Variants in FNTA observed in about 807,000 individuals in gnomAD.
FNTA encodes farnesyltransferase, CAAX box, subunit alpha, also known as protein farnesyltransferase/geranylgeranyltransferase type-1 subunit alpha.
In FNTA, 27 loss-of-function variants were observed where a neutral mutation model predicts 55.2. The ratio of observed to expected loss-of-function variants is 0.49; its 90% CI spans 0.36 to 0.67. The LOEUF is 0.67. Ranked by LOEUF, FNTA falls within the 30% of genes least tolerant of loss-of-function variation. FNTA has a pLI of 0.00. For missense variants in FNTA, 422 were observed against 464.7 expected (o/e 0.91, Z 0.85); for synonymous variants, 176 against 170.7 (o/e 1.03, Z -0.24).
chr8:43,077,308 C>T lies in FNTA; in HGVS notation c.726C>T (p.Phe242=), dbSNP rs777693422. ...RNNSVWNQRY[F]VISNTTGYND... is the part of the protein sequence containing the mutation. The stretch of plus-strand genomic sequence containing the variant: ...ACTCTGTCTGGAACCAAAGATACTT[C>T]GTTATTTCTAACACCACTGGCTACA... The change falls in exon 6 of 9, where the codon TTC becomes TTT. Residue 242 remains phenylalanine (F), a synonymous_variant. Coordinates refer to ENST00000302279, the MANE Select transcript of FNTA (RefSeq NM_002027.3). 19 of 1,612,718 alleles carry T rather than the reference C, an allele frequency of 1.2e-5. No individual in the cohort carries two copies. In the East Asian group the frequency reaches 2.0e-4, roughly 17 times the overall value.
chr8:43,079,564 G>A (rs1810982384), intron 6 of FNTA: 1 of 152,316 alleles, frequency 6.6e-6, no homozygotes, highest in South Asian at 2.0e-4. Flanking sequence ...ATGGACAACG[G>A]ACCTCATCAC....
rs756277861 is a variant in FNTA, at chr8:43,077,372, A to G, written c.782+8A>G. 1.2e-6 allele frequency: 2 copies of G among 1,600,828 alleles called. No individual in the cohort carries two copies. Among genetic ancestry groups the G allele is most frequent in the South Asian group, 2.2e-5 (2 of 88,956 alleles). ...ATTGGAGAGAGAAGTCCAGTTAGTA[A>G]TCTCCTTCACTTGCTCATTCGTTAC... On this transcript the variant is annotated splice_region_variant and intron_variant, in intron 6 of 8. Coordinates refer to ENST00000302279, the MANE Select transcript of FNTA (RefSeq NM_002027.3).
intron 6 of FNTA, chr8:43,078,116 G>A (rs1810950520): frequency 6.6e-6 from 1 of 152,124 alleles, no homozygotes; most frequent in Non-Finnish European, 1.5e-5. Context: ...TGCCTGGATC[G>A]AGGCAGCTTG....
intron 5 of FNTA, among the ~76,000 whole-genome samples, chr8:43,074,881 C>A (rs1810874574): frequency 1.3e-5 from 2 of 152,092 alleles, no homozygotes; most frequent in African/African-American, 4.8e-5. Flanking sequence ...TTATATTCTA[C>A]CCCCACTCCT....
intron 3 of FNTA, 146 bp from the exon 4 acceptor site, chr8:43,069,409 C>A: frequency 1.8e-6 from 1 of 560,334 alleles, no homozygotes; most frequent in South Asian, 2.1e-5. Flanking sequence ...CATGAGCCAC[C>A]GTGCTTGGCC....
intron 2 of FNTA, among the ~76,000 whole-genome samples, chr8:43,062,994 C>T (rs1009803669): frequency 3.3e-5 from 5 of 151,982 alleles, no homozygotes; most frequent in Admixed American, 1.3e-4. Context: ...TGTTACCCAG[C>T]GTGGTCTCAA....
chr8:43,063,366 T>C (rs745476114), intron 2 of FNTA: 27 of 454,512 alleles, frequency 5.9e-5, no homozygotes, highest in Non-Finnish European at 9.3e-5. Context: ...AATCCAATGC[T>C]CCCAATAAAT....
At chr8:43,063,143 C>T (rs557107434) in intron 2 of FNTA, 26 of 346,162 alleles carry the variant, frequency 7.5e-5, no homozygotes, top group African/African-American at 5.2e-4. Context: ...TCGGTGCTTG[C>T]GATCATGGCT....
chr8:43,062,170 TTTATGTGTG>T (rs1372672571), intron 2 of FNTA, among the ~76,000 whole-genome samples: 2 of 77,190 alleles, frequency 2.6e-5, no homozygotes, highest in African/African-American at 7.2e-5. Context: ...ATGTGTATGT[TTTATGTGTG>T]TGTGTGTGTG....
intron 3 of FNTA, among the ~76,000 whole-genome samples, chr8:43,066,234 G>A (rs892164179): frequency 6.7e-6 from 1 of 148,272 alleles, no homozygotes; most frequent in Middle Eastern, 3.5e-3. Context: ...TTAATTTGGG[G>A]GAGCTGTTTT....
At chr8:43,067,752 C>T (rs913200503) in intron 3 of FNTA, among the ~76,000 whole-genome samples, 16 of 151,482 alleles carry the variant, frequency 1.1e-4, no homozygotes, top group Admixed American at 9.2e-4. Context: ...TGGAGTCTCA[C>T]GCTGTTGCCC....
In FNTA at chr8:43,077,164, A is replaced by G. The variant is rs906478888; in HGVS notation, c.634-52A>G. On this transcript the variant is annotated intron_variant, in intron 5 of 8. Coordinates refer to ENST00000302279, the MANE Select transcript of FNTA (RefSeq NM_002027.3). ...TGTAGTTTTAATTTATTTTTTATTCATAAATAATGGGACATTTCTAATTGG... is the reference window on the plus strand; with the variant it reads ...TGTAGTTTTAATTTATTTTTTATTCGTAAATAATGGGACATTTCTAATTGG... 6.2e-6 allele frequency: 8 copies of G among 1,290,554 alleles called. No homozygotes were observed. In the East Asian group the frequency reaches 1.5e-4, roughly 24 times the overall value. The allele number at this position is 1,290,554 out of a possible 1,614,324, so 79.9% of individuals were successfully genotyped here. A position where few individuals can be genotyped will look rare whatever the true frequency, so the allele number is the denominator to read the frequency against.
intron 3 of FNTA, among the ~76,000 whole-genome samples, chr8:43,065,663 TC>T (rs1477762265): frequency 6.6e-6 from 1 of 151,496 alleles, no homozygotes; most frequent in Non-Finnish European, 1.5e-5. Context: ...GTATCATTTT[TC>T]TATTGAACAC....
chr8:43,060,546 G>T (rs1447772677), intron 2 of FNTA, among the ~76,000 whole-genome samples: 1 of 151,930 alleles, frequency 6.6e-6, no homozygotes, highest in Non-Finnish European at 1.5e-5. Flanking sequence ...GTGGTGGCAG[G>T]CGCCTGTAAT....
chr8:43,067,000 A>G (rs143901907), intron 3 of FNTA, among the ~76,000 whole-genome samples: 1 of 152,140 alleles, frequency 6.6e-6, no homozygotes, highest in Non-Finnish European at 1.5e-5. Context: ...CTTTTTGCAG[A>G]TCTTATCCTG....
intron 3 of FNTA, among the ~76,000 whole-genome samples, chr8:43,067,871 C>G (rs1348068189): frequency 6.6e-6 from 1 of 152,068 alleles, no homozygotes; most frequent in Non-Finnish European, 1.5e-5. Flanking sequence ...AGGTGTCTGC[C>G]ACCACACCCA....
chr8:43,072,045 C>A, intron 4 of FNTA, 136 bp from the exon 5 acceptor site: 1 of 540,688 alleles, frequency 1.8e-6, no homozygotes, highest in Non-Finnish European at 3.1e-6. Flanking sequence ...CTTTTCTCCA[C>A]AGTGGAGTGT....
At chr8:43,058,321 A>G (rs1810457828) in intron 1 of FNTA, among the ~76,000 whole-genome samples, 1 of 152,214 alleles carries the variant, frequency 6.6e-6, no homozygotes, top group South Asian at 2.1e-4. Flanking sequence ...AGCCTGTCTT[A>G]TTAATGATCA....
At chr8:43,062,708 T>C (rs547929659) in intron 2 of FNTA, among the ~76,000 whole-genome samples, 22 of 152,310 alleles carry the variant, frequency 1.4e-4, no homozygotes, top group African/African-American at 4.8e-4. Flanking sequence ...AAAAACTGTT[T>C]CTCTATAGTC....
Sources: gnomAD v4.1 joint callset for allele counts (sites outside exome capture counted in the v4.1 genomes callset) on GRCh38, gnomAD v4.1.1 for gene constraint, MANE v1.5 for transcripts, NCBI Gene and HGNC (gene_info 2026-07-23, HGNC 2026-07-21) for gene names.